Variants in DAAM1 observed in about 807,000 individuals in gnomAD.
DAAM1 encodes the protein disheveled-associated activator of morphogenesis 1.
DAAM1 carries 52 observed loss-of-function variants against 130.0 expected under a neutral mutation model. That is an observed-to-expected ratio of 0.40 (90% CI 0.32 to 0.50). The LOEUF is 0.50. Among genes scored for constraint, DAAM1 ranks in the 20% least tolerant of loss-of-function variants. The pLI is 0.61. For synonymous variants in DAAM1, 452 were observed against 444.5 expected, an observed-to-expected ratio of 1.02 and a Z score of -0.21; for missense variants, 1,134 against 1,303.8, an observed-to-expected ratio of 0.87 and a Z score of 2.01.
chr14:59,272,032 T>G lies in DAAM1; in HGVS notation c.183+8372T>G, dbSNP rs79613790. On this transcript the variant is annotated intron_variant, in intron 2 of 24. Transcript: ENST00000360909. The stretch of plus-strand genomic sequence containing the variant: ...CTATTGTTTATTAGAGTATAAAGGA[T>G]TGCTCTGTAGTTACACAGAGAAAAT... Among the ~76,000 whole-genome samples, 77 of 152,268 alleles carry G rather than the reference T, an allele frequency of 5.1e-4. 1 individual carries two copies. The highest frequency in any genetic ancestry group is 1.8e-3 in the African/African-American group (74 of 41,568).
intron 6 of DAAM1, among the ~76,000 whole-genome samples, 172 bp downstream of exon 6, chr14:59,323,397 G>T (rs1342241812): frequency 1.3e-5 from 2 of 152,154 alleles, no homozygotes; most frequent in Non-Finnish European, 2.9e-5. Flanking sequence ...AGAGAATAGA[G>T]TATACTTTCA....
At chr14:59,267,893 CG>C (rs138437492) in intron 2 of DAAM1, among the ~76,000 whole-genome samples, 376 of 121,338 alleles carry the variant, frequency 3.1e-3, no homozygotes, top group East Asian at 8.6e-3. Context: ...TGTGGATATA[CG>C]CCCCCCCCTT....
rs188443995 is a variant in DAAM1, at chr14:59,333,929, C to T, written c.1968+2009C>T. 3.9e-5 allele frequency among the ~76,000 whole-genome samples: 6 copies of T among 152,296 alleles called. No individual in the cohort carries two copies. The South Asian group carries it at 6.2e-4, about 16-fold the overall frequency. On this transcript the variant is annotated intron_variant, in intron 15 of 24. Coordinates refer to ENST00000360909, the MANE Select transcript of DAAM1 (RefSeq NM_001270520.2). ...GAAAGCCTAGCAATTGGGTAATTGT[C>T]TCCTAGCAACCAACACTGTTTAAGT...
At chr14:59,293,145 G>C (rs1883815984) in intron 3 of DAAM1, among the ~76,000 whole-genome samples, 1 of 151,968 alleles carries the variant, frequency 6.6e-6, no homozygotes, top group African/African-American at 2.4e-5. Flanking sequence ...GATTCTTTCT[G>C]AAAATAAGGA....
chr14:59,209,857 C>A (rs1389521828), intron 1 of DAAM1, among the ~76,000 whole-genome samples: 1 of 152,062 alleles, frequency 6.6e-6, no homozygotes, highest in African/African-American at 2.4e-5. Flanking sequence ...TGACTCATGC[C>A]TGTAATTACA....
chr14:59,269,250 G>A (rs1482075558), intron 2 of DAAM1, among the ~76,000 whole-genome samples: 2 of 152,232 alleles, frequency 1.3e-5, no homozygotes. Flanking sequence ...CTGGGAGGAA[G>A]CTTTATTCCC....
At chr14:59,354,395 T>A (rs1233513092) in intron 19 of DAAM1, among the ~76,000 whole-genome samples, 1 of 152,172 alleles carries the variant, frequency 6.6e-6, no homozygotes, top group Non-Finnish European at 1.5e-5. Context: ...GCTCAAGGTC[T>A]TTCTTTTAAA....
At chr14:59,209,072 A>G (rs1201968003) in intron 1 of DAAM1, among the ~76,000 whole-genome samples, 1 of 152,214 alleles carries the variant, frequency 6.6e-6, no homozygotes, top group East Asian at 1.9e-4. Flanking sequence ...TTATAACACA[A>G]AAAGTCCCAA....
chr14:59,220,584 G>A (rs1888738250), intron 1 of DAAM1, among the ~76,000 whole-genome samples: 1 of 152,126 alleles, frequency 6.6e-6, no homozygotes, highest in Admixed American at 6.5e-5. Context: ...TTGTAGGAAG[G>A]CCAAGGAGTC....
At chr14:59,199,558 A>G (rs1152566) in intron 1 of DAAM1, among the ~76,000 whole-genome samples, 28,928 of 152,198 alleles carry the variant, frequency 0.19, 3,305 homozygotes, top group African/African-American at 0.31. Context: ...ACCACACTCT[A>G]GTGCCTAATG....
intron 1 of DAAM1, among the ~76,000 whole-genome samples, chr14:59,263,143 T>A (rs145208254): frequency 5.6e-4 from 85 of 152,296 alleles, no homozygotes; most frequent in Non-Finnish European, 9.8e-4. Context: ...AAAGGGAATG[T>A]GATGTACAAA....
chr14:59,316,194 G>A (rs1325141798), intron 4 of DAAM1, among the ~76,000 whole-genome samples: 1 of 152,136 alleles, frequency 6.6e-6, no homozygotes, highest in African/African-American at 2.4e-5. Flanking sequence ...TTATATTCAT[G>A]TTTATAACAT....
At chr14:59,252,560 G>T (rs1881694473) in intron 1 of DAAM1, among the ~76,000 whole-genome samples, 1 of 152,200 alleles carries the variant, frequency 6.6e-6, no homozygotes. Context: ...CCTTGATTTA[G>T]TGATGACAAC....
chr14:59,262,653 AGTGTGTGTGTGTGTGT>A (rs5809025), intron 1 of DAAM1, among the ~76,000 whole-genome samples: 11,030 of 140,848 alleles, frequency 0.078, 635 homozygotes, highest in African/African-American at 0.17. Context: ...ATATTCTATT[AGTGTGTGTGTGTGTGT>A]GTGTGTGTGT....
In DAAM1 at chr14:59,371,082, G is replaced by A. The variant is rs1887149007; in HGVS notation, c.*2223G>A. 2 of 134,586 alleles carry A rather than the reference G, an allele frequency of 1.5e-5. No individual in the cohort carries two copies. Among genetic ancestry groups the A allele is most frequent in the African/African-American group, 5.8e-5 (2 of 34,530 alleles). 8.3% of individuals were successfully genotyped at this position (134,586 alleles called of 1,614,324 possible). ...AAACTGTGTGCAGGTAATTCCATGT[G>A]CCATTGTTGAAAAGAAAAAAAAAAA... On this transcript the variant is annotated 3_prime_UTR_variant, in exon 25 of 25. Coordinates refer to ENST00000360909, the MANE Select transcript of DAAM1 (RefSeq NM_001270520.2).
At chr14:59,274,074 A>C (rs1368728464) in intron 2 of DAAM1, among the ~76,000 whole-genome samples, 1 of 152,152 alleles carries the variant, frequency 6.6e-6, no homozygotes, top group Non-Finnish European at 1.5e-5. Flanking sequence ...GTGACCAGCT[A>C]TATCTTTTAG....
chr14:59,353,772 G>C, intron 18 of DAAM1, 104 bp from the exon 19 acceptor site: 1 of 939,414 alleles, frequency 1.1e-6, no homozygotes, highest in South Asian at 1.5e-5. Flanking sequence ...GGAGTGGGTG[G>C]GTATTGGGGG....
chr14:59,355,041 C>T, intron 19 of DAAM1, 124 bp from the exon 20 acceptor site: 1 of 1,303,768 alleles, frequency 7.7e-7, no homozygotes, highest in South Asian at 1.5e-5. Context: ...AACCCAATAA[C>T]TCAGTCTTAC....
At chr14:59,196,230 A>C (rs2139384011) in intron 1 of DAAM1, among the ~76,000 whole-genome samples, 1 of 152,328 alleles carries the variant, frequency 6.6e-6, no homozygotes, top group East Asian at 1.9e-4. Flanking sequence ...AGTTCTGGAT[A>C]TTTGTGCCCA....
Sources: allele counts gnomAD v4.1 joint callset (sites outside exome capture counted in the v4.1 genomes callset), GRCh38; gene constraint gnomAD v4.1.1; transcripts MANE v1.5; gene names NCBI Gene and HGNC (gene_info 2026-07-23, HGNC 2026-07-21).